PCDH9: variants seen among roughly 807,000 people sequenced by gnomAD.
PCDH9 encodes protocadherin-9.
Under a neutral mutation model 70.6 loss-of-function variants are expected in PCDH9, and 24 were observed. The ratio of observed to expected loss-of-function variants is 0.34; its 90% CI spans 0.25 to 0.48. PCDH9 has a LOEUF of 0.48. Among genes scored for constraint, PCDH9 ranks in the 20% least tolerant of loss-of-function variants. The pLI, the probability that PCDH9 is intolerant of heterozygous loss-of-function variation, is 0.99. For missense variants in PCDH9, 1,281 were observed against 1,503.6 expected (o/e 0.85, Z 2.45); for synonymous variants, 562 against 558.5 (o/e 1.01, Z -0.09).
intron 4 of PCDH9, among the ~76,000 whole-genome samples, chr13:66,419,423 T>G (rs2138344187): frequency 7.0e-6 from 1 of 143,230 alleles, no homozygotes; most frequent in Non-Finnish European, 1.5e-5. Context: ...ACCCAGAAGG[T>G]GGGTGATTTC....
chr13:66,661,589 T>C (rs1388973543), intron 3 of PCDH9, among the ~76,000 whole-genome samples: 1 of 152,196 alleles, frequency 6.6e-6, no homozygotes, highest in Non-Finnish European at 1.5e-5. Context: ...TAGACCATAA[T>C]TTTCTGCTAA....
chr13:66,322,141 G>A (rs1189415378), intron 4 of PCDH9, among the ~76,000 whole-genome samples: 1 of 151,782 alleles, frequency 6.6e-6, no homozygotes, highest in Non-Finnish European at 1.5e-5. Flanking sequence ...TTTCTTGAAG[G>A]ACATGCTAGA....
At chr13:66,599,677 G>T (rs1197492148) in intron 4 of PCDH9, among the ~76,000 whole-genome samples, 1 of 151,610 alleles carries the variant, frequency 6.6e-6, no homozygotes, top group Non-Finnish European at 1.5e-5. Flanking sequence ...GATTAGTACA[G>T]TGTATCCATA....
intron 3 of PCDH9, among the ~76,000 whole-genome samples, chr13:66,833,496 A>C (rs1469574536): frequency 2.6e-5 from 4 of 152,030 alleles, no homozygotes; most frequent in Admixed American, 6.5e-5. Context: ...ATAACATTCT[A>C]TGTTTTCTAT....
At chr13:66,386,756 T>C (rs1956936921) in intron 4 of PCDH9, among the ~76,000 whole-genome samples, 1 of 152,130 alleles carries the variant, frequency 6.6e-6, no homozygotes, top group Non-Finnish European at 1.5e-5. Flanking sequence ...ATGTGTTACA[T>C]GGCAACAGCC....
At chr13:67,177,611 G>A (rs1003473855) in intron 2 of PCDH9, among the ~76,000 whole-genome samples, 2 of 151,806 alleles carry the variant, frequency 1.3e-5, no homozygotes, top group Non-Finnish European at 2.9e-5. Context: ...TCTTACTTCT[G>A]TGCATAATGC....
At chr13:66,789,846 G>A (rs2080136754) in intron 3 of PCDH9, among the ~76,000 whole-genome samples, 1 of 152,098 alleles carries the variant, frequency 6.6e-6, no homozygotes, top group Admixed American at 6.6e-5. Context: ...AACTTTGTCT[G>A]TCATTTACTT....
At chr13:66,553,041 T>G (rs1455073825) in intron 4 of PCDH9, among the ~76,000 whole-genome samples, 1 of 152,036 alleles carries the variant, frequency 6.6e-6, no homozygotes, top group East Asian at 1.9e-4. Context: ...GGGTAACCAC[T>G]CCCAAGATTC....
At chr13:67,199,840 C>T (rs778271389) in intron 2 of PCDH9, among the ~76,000 whole-genome samples, 6 of 151,990 alleles carry the variant, frequency 3.9e-5, no homozygotes, top group Non-Finnish European at 7.4e-5. Flanking sequence ...ATGGGTGGAA[C>T]GTGAAAACAT....
chr13:66,972,091 C>T (rs922523650), intron 2 of PCDH9, among the ~76,000 whole-genome samples: 2 of 151,912 alleles, frequency 1.3e-5, no homozygotes, highest in Non-Finnish European at 2.9e-5. Context: ...CTGAATCTTA[C>T]ATATACTATT....
intron 2 of PCDH9, among the ~76,000 whole-genome samples, chr13:67,019,743 G>C (rs1413199942): frequency 6.6e-6 from 1 of 152,118 alleles, no homozygotes; most frequent in Non-Finnish European, 1.5e-5. Flanking sequence ...AGCTGACAGG[G>C]ACGGGGATTA....
At chr13:66,666,437 T>C (rs1181018315) in intron 3 of PCDH9, among the ~76,000 whole-genome samples, 1 of 151,806 alleles carries the variant, frequency 6.6e-6, no homozygotes, top group Non-Finnish European at 1.5e-5. Context: ...GTTTTTTTTT[T>C]CTTTTTTTAT....
chr13:66,818,071 C>G (rs114052100), intron 3 of PCDH9, among the ~76,000 whole-genome samples: 1 of 152,116 alleles, frequency 6.6e-6, no homozygotes, highest in Admixed American at 6.5e-5. Context: ...TTCCCCTCAA[C>G]GGACAGTTTT....
At chr13:66,762,181 G>A (rs1046574168) in intron 3 of PCDH9, among the ~76,000 whole-genome samples, 7 of 152,038 alleles carry the variant, frequency 4.6e-5, no homozygotes, top group Non-Finnish European at 7.3e-5. Flanking sequence ...TGGCTGCTGA[G>A]GCTTTCACAT....
chr13:66,462,014 G>T (rs989889991), intron 4 of PCDH9, among the ~76,000 whole-genome samples: 2 of 151,690 alleles, frequency 1.3e-5, no homozygotes, highest in Non-Finnish European at 3.0e-5. Context: ...ACAAGCTGGA[G>T]CTAGTTCCTA....
intron 2 of PCDH9, chr13:67,214,821 A>T (rs543003253): frequency 1.3e-5 from 2 of 151,250 alleles, no homozygotes; most frequent in South Asian, 4.2e-4. Context: ...AAACAAAATC[A>T]AGAAAGCATT....
intron 4 of PCDH9, among the ~76,000 whole-genome samples, chr13:66,423,988 C>A (rs960048492): frequency 5.9e-5 from 9 of 152,182 alleles, no homozygotes; most frequent in African/African-American, 2.2e-4. Flanking sequence ...TCTCAGGATA[C>A]AAAATAGATG....
At chr13:66,555,730 G>A (rs1197705938) in intron 4 of PCDH9, among the ~76,000 whole-genome samples, 1 of 93,570 alleles carries the variant, frequency 1.1e-5, no homozygotes, top group East Asian at 3.7e-4. Context: ...TTCAGCATTA[G>A]CTACTATTAT....
At chr13:67,120,620 T>G (rs1324740495) in intron 2 of PCDH9, among the ~76,000 whole-genome samples, 2 of 152,198 alleles carry the variant, frequency 1.3e-5, no homozygotes, top group Non-Finnish European at 2.9e-5. Context: ...TGCTTACATA[T>G]ACTTTACTCA....
Sources: gnomAD v4.1 joint callset for allele counts (sites outside exome capture counted in the v4.1 genomes callset) on GRCh38, gnomAD v4.1.1 for gene constraint, MANE v1.5 for transcripts, NCBI Gene and HGNC (gene_info 2026-07-23, HGNC 2026-07-21) for gene names.